Variants in ENOX1 observed in about 807,000 individuals in gnomAD.
ENOX1 encodes ecto-NOX disulfide-thiol exchanger 1.
A neutral mutation model predicts 82.5 loss-of-function variants in ENOX1; 42 were observed. The observed-to-expected ratio is 0.51, with a 90% CI of 0.40 to 0.66. The LOEUF (loss-of-function observed/expected upper bound fraction) is 0.66, where lower values mean the gene tolerates loss of function less well. Ranked by LOEUF, ENOX1 falls within the 30% of genes least tolerant of loss-of-function variation. The pLI is 0.00. For synonymous variants in ENOX1, 271 were observed against 282.2 expected, an observed-to-expected ratio of 0.96 and a Z score of 0.40; for missense variants, 608 against 811.6, an observed-to-expected ratio of 0.75 and a Z score of 3.05.
chr13:43,415,233 T>TTG, intron 3 of ENOX1, among the ~76,000 whole-genome samples: 1 of 11,466 alleles, frequency 8.7e-5, no homozygotes, highest in Admixed American at 1.4e-3. Context: ...CAATCCAATG[T>TTG]TTTTTTTTTT....
chr13:43,750,207 T>C (rs1313048440), intron 1 of ENOX1, among the ~76,000 whole-genome samples: 3 of 151,866 alleles, frequency 2.0e-5, no homozygotes, highest in Non-Finnish European at 4.4e-5. Context: ...CTCCCCAGAG[T>C]AGGAAAATAA....
chr13:43,345,433 C>T (rs368681327), intron 8 of ENOX1, among the ~76,000 whole-genome samples: 2 of 152,044 alleles, frequency 1.3e-5, no homozygotes, highest in African/African-American at 2.4e-5. Context: ...TATGGAGAGC[C>T]CATCTGAACC....
intron 3 of ENOX1, among the ~76,000 whole-genome samples, chr13:43,417,056 A>T (rs1005760256): frequency 1.3e-5 from 2 of 152,320 alleles, no homozygotes; most frequent in East Asian, 1.9e-4. Context: ...CAAAAATACA[A>T]AAACCAGTCA....
chr13:43,703,968 C>G (rs2087080376), intron 1 of ENOX1, among the ~76,000 whole-genome samples: 1 of 151,530 alleles, frequency 6.6e-6, no homozygotes, highest in South Asian at 2.1e-4. Context: ...ACCTTAGTAG[C>G]AAAGAACTAA....
chr13:43,557,735 T>C (rs9533525), intron 2 of ENOX1, among the ~76,000 whole-genome samples: 58,130 of 152,020 alleles, frequency 0.38, 11,987 homozygotes, highest in East Asian at 0.77. Flanking sequence ...GCATTCGAGG[T>C]TGCAGTGAGC....
At chr13:43,324,601 GA>G (rs1350177366) in intron 10 of ENOX1, among the ~76,000 whole-genome samples, 1 of 152,176 alleles carries the variant, frequency 6.6e-6, no homozygotes, top group Non-Finnish European at 1.5e-5. Flanking sequence ...AGCTAATTTA[GA>G]ATTCTGTGGC....
intron 1 of ENOX1, among the ~76,000 whole-genome samples, chr13:43,691,138 T>C (rs1451496605): frequency 6.6e-6 from 1 of 152,128 alleles, no homozygotes; most frequent in Non-Finnish European, 1.5e-5. Context: ...CACAAGACAA[T>C]CTTGTCTCCT....
At chr13:43,618,127 G>A (rs1287939141) in intron 2 of ENOX1, among the ~76,000 whole-genome samples, 1 of 152,058 alleles carries the variant, frequency 6.6e-6, no homozygotes, top group African/African-American at 2.4e-5. Context: ...ACATTTGTCA[G>A]AATGTATAGA....
chr13:43,652,988 G>A (rs569753024), intron 2 of ENOX1, among the ~76,000 whole-genome samples: 1 of 152,320 alleles, frequency 6.6e-6, no homozygotes, highest in South Asian at 2.1e-4. Context: ...CTCCCTGCCT[G>A]GGGAAAGGAT....
At chr13:43,515,435 T>C (rs1385908793) in intron 2 of ENOX1, among the ~76,000 whole-genome samples, 1 of 152,162 alleles carries the variant, frequency 6.6e-6, no homozygotes, top group Non-Finnish European at 1.5e-5. Context: ...TCATCAGAAA[T>C]GCTTCTGGGA....
intron 2 of ENOX1, among the ~76,000 whole-genome samples, chr13:43,508,251 C>T (rs540471784): frequency 1.3e-4 from 20 of 152,064 alleles, no homozygotes; most frequent in African/African-American, 4.6e-4. Context: ...GTCCTTTTAG[C>T]TCTTCTGCTA....
At chr13:43,607,077 C>T (rs1400187304) in intron 2 of ENOX1, among the ~76,000 whole-genome samples, 1 of 152,028 alleles carries the variant, frequency 6.6e-6, no homozygotes, top group African/African-American at 2.4e-5. Flanking sequence ...ATTTATTATA[C>T]ATTAAAAAAT....
At chr13:43,525,749 T>C (rs1438529148) in intron 2 of ENOX1, among the ~76,000 whole-genome samples, 3 of 152,164 alleles carry the variant, frequency 2.0e-5, no homozygotes, top group Non-Finnish European at 2.9e-5. Flanking sequence ...GTATCTTTCC[T>C]TGTGCTTATT....
At chr13:43,654,731 C>CATG (rs2084351427) in intron 2 of ENOX1, among the ~76,000 whole-genome samples, 1 of 152,144 alleles carries the variant, frequency 6.6e-6, no homozygotes, top group African/African-American at 2.4e-5. Flanking sequence ...AAAAGGGGCT[C>CATG]ATGATAATCT....
intron 11 of ENOX1, among the ~76,000 whole-genome samples, chr13:43,306,866 T>C (rs1281912186): frequency 6.6e-6 from 1 of 152,164 alleles, no homozygotes; most frequent in Non-Finnish European, 1.5e-5. Flanking sequence ...AGTATTTGAA[T>C]TGGTGCTTCT....
In ENOX1 at chr13:43,497,031, C is replaced by T. The variant is rs866584026; in HGVS notation, c.-218-12879G>A. Among the ~76,000 whole-genome samples the T allele has an allele frequency of 2.6e-5, 4 of 152,140 alleles. No homozygotes were observed. The South Asian group carries it at 6.2e-4, about 24-fold the overall frequency. The stretch of plus-strand genomic sequence containing the variant: ...TGAAATAAAAATCTTAATATAGAGT[C>T]TTCCATTTGCAATTTCATTTACCAA... On this transcript the variant is annotated intron_variant, in intron 2 of 16. Coordinates refer to ENST00000690772, the MANE Select transcript of ENOX1 (RefSeq NM_001347969.2).
intron 2 of ENOX1, among the ~76,000 whole-genome samples, chr13:43,649,355 C>T (rs1326461245): frequency 6.6e-6 from 1 of 152,182 alleles, no homozygotes; most frequent in Admixed American, 6.6e-5. Flanking sequence ...ACCTTCACAC[C>T]CTGGTTAGTT....
chr13:43,262,816 C>T (rs1016437972), intron 14 of ENOX1, among the ~76,000 whole-genome samples: 10 of 152,158 alleles, frequency 6.6e-5, no homozygotes, highest in African/African-American at 2.4e-4. Flanking sequence ...AGAATTAATA[C>T]TTGTTGAGTA....
At chr13:43,253,673 T>C (rs1453819094) in intron 14 of ENOX1, among the ~76,000 whole-genome samples, 1 of 152,238 alleles carries the variant, frequency 6.6e-6, no homozygotes, top group Non-Finnish European at 1.5e-5. Flanking sequence ...CTATGGCTCC[T>C]GAGTAGCATA....
Sources: allele counts gnomAD v4.1 joint callset (sites outside exome capture counted in the v4.1 genomes callset), GRCh38; gene constraint gnomAD v4.1.1; transcripts MANE v1.5; gene names NCBI Gene and HGNC (gene_info 2026-07-23, HGNC 2026-07-21).